PHKB: variants seen among roughly 807,000 people sequenced by gnomAD.
PHKB encodes phosphorylase b kinase regulatory subunit beta.
A neutral mutation model predicts 152.1 loss-of-function variants in PHKB; 122 were observed. That is an observed-to-expected ratio of 0.80 (90% CI 0.69 to 0.93). The LOEUF is 0.93. PHKB is among the 40% of genes least tolerant of loss of function. The pLI, the probability that PHKB is intolerant of heterozygous loss-of-function variation, is 0.00. For missense variants in PHKB, 1,304 were observed against 1,328.4 expected (o/e 0.98, Z 0.29); for synonymous variants, 436 against 464.9 (o/e 0.94, Z 0.80).
Position 47,663,697 on chromosome 16 carries a change from G to T in PHKB, c.2299G>T (p.Glu767Ter). The T allele has an allele frequency of 2.5e-6, 4 of 1,612,732 alleles. No homozygotes were observed. Among genetic ancestry groups the T allele is most frequent in the Non-Finnish European group, 3.4e-6 (4 of 1,178,856 alleles). Residue 767 changes from glutamate (E) to a stop codon, truncating the protein, a stop_gained, in exon 24 of 31, where the codon GAG becomes TAG. Transcript: ENST00000323584. LOFTEE classifies it high-confidence loss of function. ...TKEGTVSDHI[E>*]RVYRRAGSQK... is the part of the protein sequence containing the mutation. Reference sequence around the variant, plus strand: ...TCTAGGTACCGTTTCTGATCACATTGAGAGAGTCTATAGAAGAGCTGGCAG... The same window carrying T: ...TCTAGGTACCGTTTCTGATCACATTTAGAGAGTCTATAGAAGAGCTGGCAG...
At chr16:47,557,971 C>G (rs1209770390) in intron 7 of PHKB, among the ~76,000 whole-genome samples, 3 of 151,828 alleles carry the variant, frequency 2.0e-5, no homozygotes, top group Non-Finnish European at 4.4e-5. Context: ...ATAGCAAAGA[C>G]TTGGAACCAA....
At chr16:47,547,725 G>T in intron 7 of PHKB, 177 bp downstream of exon 7, 1 of 576,232 alleles carries the variant, frequency 1.7e-6, no homozygotes, top group East Asian at 3.1e-5. Context: ...CCCATCCTCA[G>T]TACCCATAAA....
chr16:47,648,690 A>G (rs973324446), intron 17 of PHKB, 74 bp downstream of exon 17: 2 of 909,986 alleles, frequency 2.2e-6, no homozygotes, highest in East Asian at 2.4e-5. Flanking sequence ...TTGACCTGCT[A>G]TGCATCCTTT....
chr16:47,568,287 C>G (rs1395223654), intron 7 of PHKB, among the ~76,000 whole-genome samples: 2 of 152,106 alleles, frequency 1.3e-5, no homozygotes, highest in African/African-American at 4.8e-5. Flanking sequence ...AGGAATCTAT[C>G]CATTTCCTGT....
chr16:47,565,792 C>T, intron 7 of PHKB: 5 of 1,488,404 alleles, frequency 3.4e-6, no homozygotes, highest in Non-Finnish European at 4.7e-6. Context: ...ACTTCTCTTT[C>T]TCTAGCAGCT....
intron 6 of PHKB, among the ~76,000 whole-genome samples, chr16:47,527,846 A>G (rs1970794052): frequency 6.6e-6 from 1 of 152,182 alleles, no homozygotes; most frequent in Non-Finnish European, 1.5e-5. Context: ...TGCACAAAGG[A>G]AAGGCCACAT....
chr16:47,625,049 G>A (rs1972684548), intron 14 of PHKB, among the ~76,000 whole-genome samples: 1 of 152,094 alleles, frequency 6.6e-6, no homozygotes, highest in Admixed American at 6.5e-5. Flanking sequence ...TCTAAATCCA[G>A]TCCTATCAGA....
At position 47,665,870 on chromosome 16, in the gene PHKB, C is replaced by T. The variant is rs531339540; in HGVS notation, c.2427+895C>T. On this transcript the variant is annotated intron_variant, in intron 25 of 30. Coordinates refer to ENST00000323584, the MANE Select transcript of PHKB (RefSeq NM_000293.3). ...CACTGTGTATATTTTAAAGACTACC[C>T]AATCAGGGCCCCATGCATTCCTCAT... 10 of 1,006,534 alleles carry T rather than the reference C, an allele frequency of 9.9e-6. 1 individual carries two copies. In the Admixed American group the frequency reaches 1.5e-4, roughly 15 times the overall value. 62.4% of individuals were successfully genotyped at this position (1,006,534 alleles called of 1,614,324 possible).
chr16:47,636,885 C>A (rs1972930465), intron 14 of PHKB, among the ~76,000 whole-genome samples: 1 of 152,162 alleles, frequency 6.6e-6, no homozygotes, highest in Admixed American at 6.5e-5. Flanking sequence ...GGGCTGCCAC[C>A]CCTGGGTGGA....
chr16:47,545,720 G>T (rs1971149953), intron 6 of PHKB, among the ~76,000 whole-genome samples: 1 of 152,120 alleles, frequency 6.6e-6, no homozygotes, highest in Admixed American at 6.5e-5. Flanking sequence ...ATCCCTTTCA[G>T]GTACACGAAT....
intron 5 of PHKB, among the ~76,000 whole-genome samples, chr16:47,514,535 C>T (rs987646387): frequency 2.0e-5 from 3 of 152,168 alleles, no homozygotes; most frequent in Admixed American, 6.5e-5. Context: ...CTTTTTGTTC[C>T]ATCTGGGTGG....
At chr16:47,564,087 C>G (rs571238377) in intron 7 of PHKB, among the ~76,000 whole-genome samples, 1 of 146,692 alleles carries the variant, frequency 6.8e-6, no homozygotes, top group South Asian at 2.1e-4. Context: ...TTGATAGGCA[C>G]TTAAGTTGAT....
At chr16:47,474,092 A>G (rs1331289230) in intron 1 of PHKB, among the ~76,000 whole-genome samples, 1 of 152,138 alleles carries the variant, frequency 6.6e-6, no homozygotes, top group Non-Finnish European at 1.5e-5. Flanking sequence ...CAAAATATAT[A>G]TCATTGATTT....
chr16:47,581,909 A>C (rs1268355713), intron 8 of PHKB, among the ~76,000 whole-genome samples: 1 of 151,988 alleles, frequency 6.6e-6, no homozygotes, highest in Non-Finnish European at 1.5e-5. Context: ...CGAACTCCTG[A>C]CCTCAGGTGA....
Position 47,594,156 on chromosome 16 carries a change from T to C in PHKB, c.1146T>C (p.Pro382=). ...TTTTAGGAGTTTTTAGAGGCAATCC[T>C]AAGCAAGTACAGGAATATCAGGATC... ...MMIDGVFRGN[P]KQVQEYQDLL... Residue 382 remains proline, a synonymous_variant, in exon 12 of 31, where the codon CCT becomes CCC. Transcript: ENST00000323584. The C allele has an allele frequency of 6.4e-7, 1 of 1,559,070 alleles. No individual in the cohort carries two copies. The highest frequency in any genetic ancestry group is 8.8e-7 in the Non-Finnish European group (1 of 1,130,086).
intron 6 of PHKB, among the ~76,000 whole-genome samples, chr16:47,545,304 T>G (rs894710863): frequency 3.3e-5 from 5 of 152,222 alleles, no homozygotes; most frequent in Non-Finnish European, 5.9e-5. Context: ...ATAAAATCTC[T>G]CAGCATTTGC....
At chr16:47,544,287 GTC>G (rs879326779) in intron 6 of PHKB, among the ~76,000 whole-genome samples, 3 of 152,150 alleles carry the variant, frequency 2.0e-5, no homozygotes, top group South Asian at 2.1e-4. Flanking sequence ...GTTACGTTGT[GTC>G]TTTGTTTTCG....
chr16:47,488,554 C>T (rs1321677633), intron 1 of PHKB, among the ~76,000 whole-genome samples: 5 of 152,140 alleles, frequency 3.3e-5, no homozygotes, highest in African/African-American at 1.2e-4. Flanking sequence ...CCTAGCTTTT[C>T]TTCTAGGGTT....
chr16:47,520,449 C>T (rs1383518332), intron 6 of PHKB, among the ~76,000 whole-genome samples: 1 of 152,174 alleles, frequency 6.6e-6, no homozygotes, highest in Non-Finnish European at 1.5e-5. Context: ...CAAGGTCGCA[C>T]ATGTAGTACG....
Sources: gnomAD v4.1 joint callset for allele counts (sites outside exome capture counted in the v4.1 genomes callset) on GRCh38, gnomAD v4.1.1 for gene constraint, MANE v1.5 for transcripts, NCBI Gene and HGNC (gene_info 2026-07-23, HGNC 2026-07-21) for gene names.